Variants in TGM6 observed in about 807,000 individuals in gnomAD.
The protein encoded by TGM6 is protein-glutamine gamma-glutamyltransferase 6.
In TGM6, 74 loss-of-function variants were observed where a neutral mutation model predicts 77.5. The observed-to-expected ratio is 0.96, with a 90% confidence interval of 0.79 to 1.16. TGM6 has a LOEUF of 1.16. TGM6 is among the 50% of genes most tolerant of loss of function. The pLI is 0.00. For synonymous variants in TGM6, 383 were observed against 378.9 expected, an observed-to-expected ratio of 1.01 and a Z score of -0.12; for missense variants, 968 against 940.2, an observed-to-expected ratio of 1.03 and a Z score of -0.39.
At chr20:2,400,554 T>C in intron 7 of TGM6, 110 bp downstream of exon 7, 4 of 1,513,746 alleles carry the variant, frequency 2.6e-6, no homozygotes, top group Non-Finnish European at 3.6e-6. Context: ...AGCCCAGCTC[T>C]CCTGAATCTG....
intron 1 of TGM6, among the ~76,000 whole-genome samples, chr20:2,384,106 CAAAAAAAAAA>C (rs35843804): frequency 1.2e-5 from 1 of 84,614 alleles, no homozygotes; most frequent in Non-Finnish European, 2.4e-5. Flanking sequence ...GACTCCGTCT[CAAAAAAAAAA>C]AAAAAAAAAA....
intron 9 of TGM6, among the ~76,000 whole-genome samples, chr20:2,407,480 G>A (rs1191615935): frequency 3.3e-5 from 5 of 152,244 alleles, no homozygotes; most frequent in Admixed American, 6.5e-5. Context: ...TTAGCTGGGC[G>A]TGGTGGTGGT....
intron 1 of TGM6, among the ~76,000 whole-genome samples, chr20:2,382,155 C>T (rs2122317222): frequency 6.6e-6 from 1 of 152,306 alleles, no homozygotes; most frequent in South Asian, 2.1e-4. Context: ...CTTTCAAAGG[C>T]AGATATTTGA....
chr20:2,390,904 A>G (rs1165320350), intron 1 of TGM6, among the ~76,000 whole-genome samples: 2 of 152,108 alleles, frequency 1.3e-5, no homozygotes, highest in Non-Finnish European at 2.9e-5. Flanking sequence ...TGCAGATTCA[A>G]AGAGAAATAA....
rs114798458 is a variant in TGM6 at position 2,396,414 on chromosome 20, G to A, written c.425-92G>A. ...CTCCTGCCCCAGTCAGCCTCCGGGC[G>A]CTGCCCTGCTGCTGATCCCTGATGC... is the stretch of plus-strand genomic sequence containing the variant. On this transcript the variant is annotated intron_variant, in intron 3 of 12. Transcript: ENST00000202625. The A allele has an allele frequency of 6.6e-4, 865 of 1,301,398 alleles. 11 individuals are homozygous for A. In the African/African-American group the frequency reaches 0.01, roughly 16 times the overall value. 80.6% of individuals were successfully genotyped at this position (1,301,398 alleles called of 1,614,324 possible). A position where few individuals can be genotyped will look rare whatever the true frequency, so the allele number is the denominator to read the frequency against.
At chr20:2,401,908 TG>T (rs2084712385) in intron 7 of TGM6, among the ~76,000 whole-genome samples, 1 of 152,194 alleles carries the variant, frequency 6.6e-6, no homozygotes. Context: ...TGTTCACACA[TG>T]TGCAAGTCTG....
intron 9 of TGM6, among the ~76,000 whole-genome samples, chr20:2,410,994 G>T (rs968473222): frequency 6.6e-6 from 1 of 152,004 alleles, no homozygotes; most frequent in Non-Finnish European, 1.5e-5. Flanking sequence ...TTCCCACAAA[G>T]AAATAATCAG....
chr20:2,395,109 G>A, intron 2 of TGM6, 85 bp from the exon 3 acceptor site: 3 of 1,564,280 alleles, frequency 1.9e-6, no homozygotes, highest in Non-Finnish European at 2.6e-6. Flanking sequence ...TGAAGGTGGG[G>A]CTTCCAGGCC....
intron 12 of TGM6, among the ~76,000 whole-genome samples, 159 bp downstream of exon 12, chr20:2,431,186 CTTCA>C (rs1243719747): frequency 6.6e-6 from 1 of 152,146 alleles, no homozygotes; most frequent in Admixed American, 6.5e-5. Context: ...TTATTTATTC[CTTCA>C]TTCATCCAAT....
At chr20:2,384,923 C>A (rs2084584157) in intron 1 of TGM6, among the ~76,000 whole-genome samples, 1 of 148,518 alleles carries the variant, frequency 6.7e-6, no homozygotes, top group African/African-American at 2.4e-5. Flanking sequence ...TCCTGCATAC[C>A]CCAAGGGTGA....
At chr20:2,385,288 G>A (rs2084586708) in intron 1 of TGM6, among the ~76,000 whole-genome samples, 1 of 152,086 alleles carries the variant, frequency 6.6e-6, no homozygotes, top group Admixed American at 6.6e-5. Context: ...AGGGAAGAGG[G>A]ACAACCAGTG....
chr20:2,381,074 G>A, intron 1 of TGM6, 99 bp downstream of exon 1: 1 of 1,501,432 alleles, frequency 6.7e-7, no homozygotes, highest in Non-Finnish European at 9.1e-7. Context: ...TCGATTGTTA[G>A]GATTTTACAG....
At chr20:2,430,844 TGGAG>T in intron 11 of TGM6, 46 bp from the exon 12 acceptor site, 1 of 1,613,932 alleles carries the variant, frequency 6.2e-7, no homozygotes, top group Non-Finnish European at 8.5e-7. Flanking sequence ...ATCGGTTTCC[TGGAG>T]GGAGGAGGGG....
intron 11 of TGM6, 63 bp downstream of exon 11, chr20:2,430,663 G>A: frequency 6.8e-6 from 11 of 1,610,696 alleles, no homozygotes; most frequent in South Asian, 5.5e-5. Context: ...AGCTGGGGGA[G>A]GGCGTCAGAA....
rs189446149 is a variant in TGM6, at chr20:2,419,903, A to G, written c.1678+2330A>G. Among the ~76,000 whole-genome samples, 138 of 152,326 alleles carry G rather than the reference A, an allele frequency of 9.1e-4. 3 individuals are homozygous for G. Among genetic ancestry groups the G allele is most frequent in the Admixed American group, 8.2e-3 (126 of 15,302 alleles). On this transcript the variant is annotated intron_variant, in intron 10 of 12. Transcript: ENST00000202625. ...GAACATTTTGATGCAAAAAGAAATC[A>G]CTTTTTTTCCTCTGGATTTTGGACT...
chr20:2,397,288 T>G (rs2084675824), intron 4 of TGM6, among the ~76,000 whole-genome samples: 1 of 152,164 alleles, frequency 6.6e-6, no homozygotes, highest in South Asian at 2.1e-4. Flanking sequence ...GTCTTGAGTC[T>G]GCTAGAGGAA....
chr20:2,403,919 A>T lies in TGM6; in HGVS notation c.1336+96A>T, dbSNP rs2084732380. 17 of 1,596,528 alleles carry T rather than the reference A, an allele frequency of 1.1e-5. 1 individual carries two copies. The South Asian group carries it at 1.8e-4, about 17-fold the overall frequency. Reference sequence around the variant, plus strand: ...GTGGCCTGGAGCCAGGCCTCACCCCATGTATATGACGCTGACAGCAGCTTC... The same window carrying T: ...GTGGCCTGGAGCCAGGCCTCACCCCTTGTATATGACGCTGACAGCAGCTTC... On this transcript the variant is annotated intron_variant, in intron 9 of 12. Coordinates refer to ENST00000202625, the MANE Select transcript of TGM6 (RefSeq NM_198994.3).
intron 9 of TGM6, among the ~76,000 whole-genome samples, chr20:2,405,754 G>C (rs539348299): frequency 6.6e-6 from 1 of 152,192 alleles, no homozygotes; most frequent in Non-Finnish European, 1.5e-5. Context: ...AAGTTCTGCA[G>C]AGGTTTTACA....
At chr20:2,402,308 A>G (rs1228866593) in intron 7 of TGM6, among the ~76,000 whole-genome samples, 3 of 152,176 alleles carry the variant, frequency 2.0e-5, no homozygotes, top group Non-Finnish European at 4.4e-5. Flanking sequence ...AACACAACAC[A>G]GAGACACAGA....
Sources: allele counts gnomAD v4.1 joint callset (sites outside exome capture counted in the v4.1 genomes callset), GRCh38; gene constraint gnomAD v4.1.1; transcripts MANE v1.5; gene names NCBI Gene and HGNC (gene_info 2026-07-23, HGNC 2026-07-21).